The following DPY19L1 variants were observed in gnomAD, a reference collection of about 807,000 sequenced individuals.
The protein encoded by DPY19L1 is protein C-mannosyl-transferase DPY19L1.
DPY19L1 carries 35 observed loss-of-function variants against 96.9 expected under a neutral mutation model. The observed-to-expected ratio is 0.36, with a 90% confidence interval of 0.28 to 0.48. The LOEUF (loss-of-function observed/expected upper bound fraction) is 0.48. DPY19L1 is among the 20% of genes least tolerant of loss of function. The pLI is 0.99. For missense variants in DPY19L1, 521 were observed against 777.9 expected (o/e 0.67, Z 3.93); for synonymous variants, 205 against 252.6 (o/e 0.81, Z 1.79).
chr7:34,982,634 T>G (rs1169811016), intron 7 of DPY19L1, among the ~76,000 whole-genome samples: 2 of 152,236 alleles, frequency 1.3e-5, no homozygotes, highest in African/African-American at 2.4e-5. Context: ...TGGGAACAAC[T>G]GCATAATTTA....
chr7:34,983,892 C>T (rs1035012530), intron 7 of DPY19L1, among the ~76,000 whole-genome samples: 5 of 152,026 alleles, frequency 3.3e-5, no homozygotes, highest in Non-Finnish European at 5.9e-5. Flanking sequence ...GAACAAAGCA[C>T]GTCTAGGTTT....
chr7:34,993,128 G>A (rs1455381259), intron 6 of DPY19L1, among the ~76,000 whole-genome samples: 3 of 152,174 alleles, frequency 2.0e-5, no homozygotes, highest in Non-Finnish European at 2.9e-5. Context: ...TATTCTATCA[G>A]AAAGAATTTT....
At chr7:34,971,241 G>C (rs773252787) in intron 8 of DPY19L1, among the ~76,000 whole-genome samples, 12 of 152,292 alleles carry the variant, frequency 7.9e-5, no homozygotes, top group South Asian at 6.2e-4. Context: ...ATGGCCAATA[G>C]AGAGAAGGTT....
At chr7:34,954,864 A>G in intron 12 of DPY19L1, 86 bp from the exon 13 acceptor site, 1 of 593,544 alleles carries the variant, frequency 1.7e-6, no homozygotes, top group South Asian at 2.5e-5. Flanking sequence ...CTTTAATCAT[A>G]CATGAAATAC....
intron 6 of DPY19L1, among the ~76,000 whole-genome samples, chr7:34,997,436 CAAAAAA>C (rs397836742): frequency 2.0e-4 from 18 of 91,936 alleles, no homozygotes; most frequent in African/African-American, 4.1e-4. Context: ...ACTAAAAATA[CAAAAAA>C]AAAAAAAAAA....
At chr7:35,004,636 C>T (rs1328380203) in intron 6 of DPY19L1, among the ~76,000 whole-genome samples, 1 of 152,148 alleles carries the variant, frequency 6.6e-6, no homozygotes, top group East Asian at 1.9e-4. Context: ...ATAGTCATAA[C>T]ATTTTACACA....
intron 1 of DPY19L1, among the ~76,000 whole-genome samples, 179 bp downstream of exon 1, chr7:35,036,918 G>A (rs1786418832): frequency 1.3e-5 from 2 of 151,350 alleles, no homozygotes; most frequent in Non-Finnish European, 1.5e-5. Context: ...GCGGGGAGGA[G>A]AAGGTAAGAA....
Position 34,958,083 on chromosome 7 carries a change from A to G in DPY19L1, c.1093-13T>C. On this transcript the variant is annotated splice_polypyrimidine_tract_variant and intron_variant, in intron 10 of 21. Coordinates refer to ENST00000638088, the MANE Select transcript of DPY19L1 (RefSeq NM_001366673.1). The stretch of plus-strand genomic sequence containing the variant: ...GTGCAAGAGAAATCTGGAAAAATCC[A>G]AGAAAAAAATATAAGTAATGCACAT... 1 of 1,557,282 alleles carries G rather than the reference A, an allele frequency of 6.4e-7. No homozygotes were observed. The highest frequency in any genetic ancestry group is 2.3e-5 in the East Asian group (1 of 43,790).
intron 6 of DPY19L1, among the ~76,000 whole-genome samples, chr7:34,999,122 G>A (rs13309979): frequency 1.8e-4 from 28 of 152,252 alleles, no homozygotes; most frequent in East Asian, 1.2e-3. Context: ...CAGATAGAGC[G>A]CACAAAGTAT....
intron 10 of DPY19L1, among the ~76,000 whole-genome samples, chr7:34,964,985 C>T (rs778451840): frequency 3.3e-5 from 5 of 152,012 alleles, no homozygotes; most frequent in Admixed American, 6.6e-5. Context: ...CCATTTTACA[C>T]GAACCAGATT....
chr7:35,022,357 C>T (rs1487048702), intron 1 of DPY19L1, among the ~76,000 whole-genome samples: 1 of 152,168 alleles, frequency 6.6e-6, no homozygotes, highest in Non-Finnish European at 1.5e-5. Context: ...AATCACAATC[C>T]TTATGGCTAA....
At chr7:34,951,712 T>G (rs935033492) in intron 13 of DPY19L1, among the ~76,000 whole-genome samples, 3 of 151,072 alleles carry the variant, frequency 2.0e-5, no homozygotes, top group Admixed American at 2.0e-4. Flanking sequence ...AGAAACACAA[T>G]AAAACCAAAG....
intron 1 of DPY19L1, among the ~76,000 whole-genome samples, chr7:35,036,862 C>T (rs1786415297): frequency 1.3e-5 from 2 of 151,814 alleles, no homozygotes; most frequent in African/African-American, 4.8e-5. Context: ...AAAGCCCAGG[C>T]AGAGCGCGGG....
chr7:34,968,722 T>C (rs1364903278), intron 9 of DPY19L1, among the ~76,000 whole-genome samples: 2 of 134,024 alleles, frequency 1.5e-5, no homozygotes, highest in South Asian at 2.3e-4. Context: ...TGAGCCGAGA[T>C]TGCGCCACTG....
At chr7:34,969,882 T>C (rs1784688688) in intron 8 of DPY19L1, among the ~76,000 whole-genome samples, 1 of 152,208 alleles carries the variant, frequency 6.6e-6, no homozygotes, top group Non-Finnish European at 1.5e-5. Flanking sequence ...AAAAAGATGA[T>C]AGCAGCATAT....
chr7:34,972,870 A>G (rs1219704662), intron 8 of DPY19L1, among the ~76,000 whole-genome samples: 1 of 152,198 alleles, frequency 6.6e-6, no homozygotes, highest in Non-Finnish European at 1.5e-5. Flanking sequence ...TAGGAGACTA[A>G]AAGCCATGTG....
intron 15 of DPY19L1, 104 bp downstream of exon 15, chr7:34,947,526 T>C (rs1020524576): frequency 1.3e-5 from 11 of 873,588 alleles, no homozygotes; most frequent in Non-Finnish European, 2.0e-5. Flanking sequence ...AGTAAGCCCA[T>C]ACAAAACGTT....
At chr7:35,008,504 CT>C (rs1785619867) in intron 6 of DPY19L1, among the ~76,000 whole-genome samples, 4 of 152,160 alleles carry the variant, frequency 2.6e-5, no homozygotes, top group Admixed American at 2.6e-4. Context: ...AATGTGAATG[CT>C]TTAACGGATG....
At chr7:34,947,409 T>G (rs1467997261) in intron 15 of DPY19L1, among the ~76,000 whole-genome samples, 3 of 152,202 alleles carry the variant, frequency 2.0e-5, no homozygotes, top group Non-Finnish European at 1.5e-5. Flanking sequence ...CTATCGGAAC[T>G]TGAGCCATCC....
Sources: allele counts gnomAD v4.1 joint callset (sites outside exome capture counted in the v4.1 genomes callset), GRCh38; gene constraint gnomAD v4.1.1; transcripts MANE v1.5; gene names NCBI Gene and HGNC (gene_info 2026-07-23, HGNC 2026-07-21).